The following CDH13 variants were observed in gnomAD, a reference collection of about 807,000 sequenced individuals.
CDH13 encodes the protein cadherin-13.
A neutral mutation model predicts 63.8 loss-of-function variants in CDH13; 24 were observed. The ratio of observed to expected loss-of-function variants is 0.38; its 90% CI spans 0.27 to 0.53. CDH13 has a LOEUF of 0.53. Ranked by LOEUF, CDH13 falls within the 20% of genes least tolerant of loss-of-function variation. CDH13 has a pLI of 0.85. For synonymous variants in CDH13, 503 were observed against 355.3 expected, an observed-to-expected ratio of 1.42 and a Z score of -4.67; for missense variants, 1,049 against 903.1, an observed-to-expected ratio of 1.16 and a Z score of -2.07.
chr16:83,424,614 C>T (rs1042655989), intron 6 of CDH13, among the ~76,000 whole-genome samples: 1 of 151,942 alleles, frequency 6.6e-6, no homozygotes, highest in Non-Finnish European at 1.5e-5. Flanking sequence ...GGTCACTAAG[C>T]CCCCTCAAAA....
intron 1 of CDH13, among the ~76,000 whole-genome samples, chr16:82,667,416 A>G (rs1242942440): frequency 6.6e-6 from 1 of 152,192 alleles, no homozygotes; most frequent in Non-Finnish European, 1.5e-5. Flanking sequence ...CTGCCTCACC[A>G]GGATGTGGTG....
chr16:83,704,268 T>C (rs1220204521), intron 10 of CDH13, among the ~76,000 whole-genome samples: 1 of 152,202 alleles, frequency 6.6e-6, no homozygotes, highest in Admixed American at 6.5e-5. Flanking sequence ...GGTTAGGTTG[T>C]TAAGGCAAGA....
intron 5 of CDH13, among the ~76,000 whole-genome samples, chr16:83,267,078 T>A (rs552057255): frequency 6.6e-6 from 1 of 152,316 alleles, no homozygotes; most frequent in African/African-American, 2.4e-5. Context: ...AAGAATTTGT[T>A]AGGGAGGAGC....
chr16:83,663,364 G>C (rs949918441), intron 8 of CDH13, among the ~76,000 whole-genome samples: 3 of 152,160 alleles, frequency 2.0e-5, no homozygotes, highest in African/African-American at 7.2e-5. Context: ...TTTCAGGAAA[G>C]AAATATTCTA....
At chr16:82,869,673 C>G (rs1053619668) in intron 2 of CDH13, among the ~76,000 whole-genome samples, 2 of 152,100 alleles carry the variant, frequency 1.3e-5, no homozygotes, top group African/African-American at 2.4e-5. Context: ...ACCCAGAAAT[C>G]TATGCATTTA....
In CDH13 at chr16:83,231,358, T is replaced by C. The variant is rs552282138; in HGVS notation, c.636+13861T>C. Among the ~76,000 whole-genome samples, 7 of 152,220 alleles carry C rather than the reference T, an allele frequency of 4.6e-5. No individual in the cohort carries two copies. The East Asian group carries it at 1.4e-3, about 30-fold the overall frequency. On this transcript the variant is annotated intron_variant, in intron 5 of 13. Transcript: ENST00000567109. ...CTAGGTTCAGGGCTCTCCGAGGGAA[T>C]AGATAGGAGAAAAATTTTGGATTCA... is the stretch of plus-strand genomic sequence containing the variant.
chr16:83,376,046 A>C (rs1424814975), intron 6 of CDH13, among the ~76,000 whole-genome samples: 1 of 152,170 alleles, frequency 6.6e-6, no homozygotes, highest in Non-Finnish European at 1.5e-5. Context: ...AGGTGTTCCA[A>C]CTGTATTGTG....
intron 4 of CDH13, among the ~76,000 whole-genome samples, chr16:83,173,463 G>C (rs962988946): frequency 2.0e-5 from 3 of 151,928 alleles, no homozygotes; most frequent in African/African-American, 7.2e-5. Flanking sequence ...TTTTTATTAA[G>C]GCAAGATCTC....
chr16:83,160,248 G>GGGGTC (rs1403197810), intron 4 of CDH13, among the ~76,000 whole-genome samples: 1 of 152,088 alleles, frequency 6.6e-6, no homozygotes, highest in Non-Finnish European at 1.5e-5. Context: ...CACTCTGGTG[G>GGGGTC]GGGTCATTGG....
At chr16:82,921,400 T>C (rs965058302) in intron 2 of CDH13, among the ~76,000 whole-genome samples, 1 of 152,186 alleles carries the variant, frequency 6.6e-6, no homozygotes, top group African/African-American at 2.4e-5. Flanking sequence ...TTTTCTCTGG[T>C]GTCACATTGC....
intron 13 of CDH13, among the ~76,000 whole-genome samples, chr16:83,788,090 C>T (rs1029335074): frequency 2.0e-5 from 3 of 152,212 alleles, no homozygotes; most frequent in South Asian, 2.1e-4. Flanking sequence ...TGTTTGTGTG[C>T]ACGCACGTGT....
At chr16:83,555,721 AG>A (rs2075587137) in intron 7 of CDH13, among the ~76,000 whole-genome samples, 1 of 152,240 alleles carries the variant, frequency 6.6e-6, no homozygotes, top group South Asian at 2.1e-4. Flanking sequence ...TCATCAGAAG[AG>A]GTGTCATTAA....
chr16:83,692,051 G>A (rs1904950770), intron 10 of CDH13, among the ~76,000 whole-genome samples: 1 of 152,164 alleles, frequency 6.6e-6, no homozygotes, highest in South Asian at 2.1e-4. Context: ...CAGGAAATGT[G>A]ACTCAATGAC....
At position 83,379,053 on chromosome 16, in the gene CDH13, T is replaced by G. The variant is rs560982907; in HGVS notation, c.781+34047T>G. Among the ~76,000 whole-genome samples the G allele has an allele frequency of 3.3e-5, 5 of 152,214 alleles. No individual in the cohort carries two copies. The South Asian group carries it at 1.0e-3, about 32-fold the overall frequency. On this transcript the variant is annotated intron_variant, in intron 6 of 13. Coordinates refer to ENST00000567109, the MANE Select transcript of CDH13 (RefSeq NM_001257.5). ...TGTGTGTATAACATATGCTTATCCTTGATGTCATATTTACCCATGATTTTT... is the reference window on the plus strand; with the variant it reads ...TGTGTGTATAACATATGCTTATCCTGGATGTCATATTTACCCATGATTTTT...
intron 8 of CDH13, among the ~76,000 whole-genome samples, chr16:83,658,872 C>G (rs1913156240): frequency 7.1e-6 from 1 of 141,612 alleles, no homozygotes; most frequent in African/African-American, 2.7e-5. Flanking sequence ...AGCAAGGTCT[C>G]CTGTCCTCAC....
intron 8 of CDH13, among the ~76,000 whole-genome samples, chr16:83,609,973 C>CGT (rs1158564421): frequency 1.3e-5 from 2 of 152,144 alleles, no homozygotes; most frequent in African/African-American, 4.8e-5. Flanking sequence ...TCATACAATA[C>CGT]GTGGTCCTTT....
At position 83,151,719 on chromosome 16, in the gene CDH13, C is replaced by T. The variant is rs140650576; in HGVS notation, c.483+26218C>T. Among the ~76,000 whole-genome samples the T allele has an allele frequency of 2.8e-3, 420 of 152,324 alleles. 4 individuals are homozygous for T. Among genetic ancestry groups the T allele is most frequent in the African/African-American group, 9.4e-3 (392 of 41,576 alleles). ...GTGGTTCACGCCTGTAATCCCAGCA[C>T]TTTCTGAGGCAGAGGCGAGCAGATC... On this transcript the variant is annotated intron_variant, in intron 4 of 13. Coordinates refer to ENST00000567109, the MANE Select transcript of CDH13 (RefSeq NM_001257.5).
chr16:83,660,197 G>A (rs1275320394), intron 8 of CDH13, among the ~76,000 whole-genome samples: 2 of 152,136 alleles, frequency 1.3e-5, no homozygotes, highest in East Asian at 1.9e-4. Context: ...CATTTATTGT[G>A]TGTTTCATTT....
intron 8 of CDH13, among the ~76,000 whole-genome samples, chr16:83,636,828 AT>A (rs1911307849): frequency 6.6e-6 from 1 of 152,182 alleles, no homozygotes; most frequent in Non-Finnish European, 1.5e-5. Context: ...TCTTTGAGAA[AT>A]GTCCAGACTG....
Sources: gnomAD v4.1 joint callset for allele counts (sites outside exome capture counted in the v4.1 genomes callset) on GRCh38, gnomAD v4.1.1 for gene constraint, MANE v1.5 for transcripts, NCBI Gene and HGNC (gene_info 2026-07-23, HGNC 2026-07-21) for gene names.